The following LRCH3 variants were observed in gnomAD, a reference collection of about 807,000 sequenced individuals.
LRCH3 encodes leucine rich repeats and calponin homology domain containing 3.
In LRCH3, 68 loss-of-function variants were observed where a neutral mutation model predicts 104.5. That is an observed-to-expected ratio of 0.65 (90% CI 0.54 to 0.80). The LOEUF (loss-of-function observed/expected upper bound fraction) is 0.80. Among genes scored for constraint, LRCH3 ranks in the 30% least tolerant of loss-of-function variants. LRCH3 has a pLI of 0.00. For missense variants in LRCH3, 951 were observed against 953.9 expected, an observed-to-expected ratio of 1.00 and a Z score of 0.04; for synonymous variants, 344 against 361.3, an observed-to-expected ratio of 0.95 and a Z score of 0.54.
rs1217064330 is a variant in LRCH3 at position 197,820,248 on chromosome 3, T to C, written c.535-77T>C. ...GATACCAGAAGGTCTCCCAAACATA[T>C]CTAATTTTATAGACAGTTTAAAGCA... is the stretch of plus-strand genomic sequence containing the variant. On this transcript the variant is annotated intron_variant, in intron 3 of 20. Transcript: ENST00000425562. 2.9e-6 allele frequency: 3 copies of C among 1,035,106 alleles called. No individual in the cohort carries two copies. The South Asian group carries it at 4.0e-5, about 14-fold the overall frequency. The allele number at this position is 1,035,106 out of a possible 1,614,324, so 64.1% of individuals were successfully genotyped here. A position where few individuals can be genotyped will look rare whatever the true frequency, so the allele number is the denominator to read the frequency against.
At chr3:197,840,870 A>C (rs1261051601) in intron 10 of LRCH3, among the ~76,000 whole-genome samples, 1 of 152,142 alleles carries the variant, frequency 6.6e-6, no homozygotes, top group African/African-American at 2.4e-5. Flanking sequence ...TTAAGATTCC[A>C]GTTTTATGCA....
intron 1 of LRCH3, among the ~76,000 whole-genome samples, chr3:197,803,818 C>T (rs1459347800): frequency 6.6e-6 from 1 of 152,186 alleles, no homozygotes; most frequent in African/African-American, 2.4e-5. Context: ...TCTGCATTTG[C>T]ATTTCAGTTT....
intron 1 of LRCH3, among the ~76,000 whole-genome samples, chr3:197,800,264 C>G: frequency 6.6e-6 from 1 of 152,000 alleles, no homozygotes; most frequent in African/African-American, 2.4e-5. Context: ...GGAAGGTAAG[C>G]CACAGTCTTC....
At chr3:197,825,646 AT>A (rs1735109861) in intron 4 of LRCH3, among the ~76,000 whole-genome samples, 5 of 150,396 alleles carry the variant, frequency 3.3e-5, no homozygotes, top group Admixed American at 3.3e-4. Flanking sequence ...CGCCCAGCTA[AT>A]TTTTTGTATT....
intron 10 of LRCH3, among the ~76,000 whole-genome samples, chr3:197,840,875 T>C (rs1433860240): frequency 1.3e-5 from 2 of 152,224 alleles, no homozygotes; most frequent in African/African-American, 4.8e-5. Flanking sequence ...ATTCCAGTTT[T>C]ATGCAGGAGT....
intron 15 of LRCH3, among the ~76,000 whole-genome samples, chr3:197,861,847 A>G (rs1480109824): frequency 6.6e-6 from 1 of 152,168 alleles, no homozygotes; most frequent in Non-Finnish European, 1.5e-5. Flanking sequence ...CAGTGATTTA[A>G]GCTAATGATT....
Position 197,847,421 on chromosome 3 carries a change from G to A in LRCH3, c.1341G>A (p.Glu447=), listed in dbSNP as rs1391098645. 6 of 1,597,594 alleles carry A rather than the reference G, an allele frequency of 3.8e-6. No individual in the cohort carries two copies. Among genetic ancestry groups the A allele is most frequent in the Middle Eastern group, 1.7e-4 (1 of 5,996 alleles). The change falls in exon 11 of 21, where the codon GAG becomes GAA. Residue 447 remains glutamate, a synonymous_variant. Coordinates refer to ENST00000425562, the MANE Select transcript of LRCH3 (RefSeq NM_001365715.1). ...RYLHQNRVPA[E]PSSLLSLSAS... ...TTTTTTGGGTCAGGGTTCCAGCTGA[G>A]CCATCTTCCCTCCTGTCACTATCAG...
intron 12 of LRCH3, 147 bp downstream of exon 12, chr3:197,848,168 C>G (rs1739034566): frequency 2.0e-5 from 14 of 704,710 alleles, no homozygotes; most frequent in Non-Finnish European, 3.3e-5. Context: ...GTCTCTTTTA[C>G]TTGTGTCTAT....
Position 197,884,360 on chromosome 3 carries a change from T to C in LRCH3, c.*694T>C, listed in dbSNP as rs1361690054. 1.3e-5 allele frequency: 2 copies of C among 152,386 alleles called. No homozygotes were observed. The highest frequency in any genetic ancestry group is 4.8e-5 in the African/African-American group (2 of 41,478). 9.4% of individuals were successfully genotyped at this position (152,386 alleles called of 1,614,324 possible). A position where few individuals can be genotyped will look rare whatever the true frequency, so the allele number is the denominator to read the frequency against. Reference sequence around the variant, plus strand: ...TTAGTAGAGATGGGATTTTGTCATGTTGGCCAGGCTGGTCTCAAACTCCTG... The same window carrying C: ...TTAGTAGAGATGGGATTTTGTCATGCTGGCCAGGCTGGTCTCAAACTCCTG... On this transcript the variant is annotated 3_prime_UTR_variant, in exon 21 of 21. Transcript: ENST00000425562.
rs527847624 is a variant in LRCH3 at position 197,843,998 on chromosome 3, G to A, written c.1329-3411G>A. 7.2e-5 allele frequency among the ~76,000 whole-genome samples: 11 copies of A among 152,330 alleles called. 1 individual carries two copies. Among genetic ancestry groups the A allele is most frequent in the Admixed American group, 6.5e-4 (10 of 15,292 alleles). ...AAGAAAAATAAAGCAGGATAAAAGAGATGGTAGGGTGAGGGAAGAGTGCAA... is the reference window on the plus strand; with the variant it reads ...AAGAAAAATAAAGCAGGATAAAAGAAATGGTAGGGTGAGGGAAGAGTGCAA... On this transcript the variant is annotated intron_variant, in intron 10 of 20. Transcript: ENST00000425562.
At chr3:197,802,463 A>G (rs1320329324) in intron 1 of LRCH3, among the ~76,000 whole-genome samples, 1 of 152,152 alleles carries the variant, frequency 6.6e-6, no homozygotes, top group Non-Finnish European at 1.5e-5. Context: ...TTCATCAGTG[A>G]TAGTGGCTTG....
intron 20 of LRCH3, among the ~76,000 whole-genome samples, chr3:197,879,416 G>T (rs562869434): frequency 1.3e-5 from 2 of 152,068 alleles, no homozygotes; most frequent in Admixed American, 6.5e-5. Context: ...GGAGGCCGAG[G>T]TGGGCGGATC....
chr3:197,827,308 C>T (rs1173588259), intron 5 of LRCH3, among the ~76,000 whole-genome samples: 3 of 151,588 alleles, frequency 2.0e-5, no homozygotes, highest in Non-Finnish European at 4.4e-5. Context: ...ATAATGGAAG[C>T]ATCAGGTAAA....
chr3:197,797,434 G>C (rs1434587288), intron 1 of LRCH3, among the ~76,000 whole-genome samples: 2 of 151,864 alleles, frequency 1.3e-5, no homozygotes, highest in African/African-American at 4.8e-5. Context: ...GAAGGACGTA[G>C]AGAATGGAAA....
Position 197,791,543 on chromosome 3 carries a change from G to A in LRCH3, c.262+3G>A. On this transcript the variant is annotated splice_donor_region_variant and intron_variant, in intron 1 of 20. Coordinates refer to ENST00000425562, the MANE Select transcript of LRCH3 (RefSeq NM_001365715.1). ...CCTGACGGACACCACCCGGGCGGGTGAGCGGGGCGGGGGGCGTCTCTGCCC... is the reference window on the plus strand; with the variant it reads ...CCTGACGGACACCACCCGGGCGGGTAAGCGGGGCGGGGGGCGTCTCTGCCC... The A allele has an allele frequency of 6.4e-7, 1 of 1,567,618 alleles. No individual in the cohort carries two copies. Among genetic ancestry groups the A allele is most frequent in the Non-Finnish European group, 8.6e-7 (1 of 1,161,470 alleles).
chr3:197,822,876 C>A (rs889553968), intron 4 of LRCH3: 8 of 149,968 alleles, frequency 5.3e-5, no homozygotes, highest in African/African-American at 2.0e-4. Context: ...GTGGTGCGAT[C>A]TCAGCTTACT....
At chr3:197,835,638 TGTGTGTGTGTGTGG>T (rs1377260831) in intron 8 of LRCH3, 22 bp from the exon 9 acceptor site, 20 of 1,487,448 alleles carry the variant, frequency 1.3e-5, no homozygotes, top group South Asian at 2.7e-5. Flanking sequence ...TTTTCTGGTG[TGTGTGTGTGTGTGG>T]GTGTGTGTGT....
At chr3:197,797,339 A>AAG (rs1251127178) in intron 1 of LRCH3, among the ~76,000 whole-genome samples, 2 of 151,258 alleles carry the variant, frequency 1.3e-5, no homozygotes, top group African/African-American at 2.4e-5. Flanking sequence ...AAAAAAAAAA[A>AAG]AAAAAAAAGA....
At chr3:197,847,327 T>A in intron 10 of LRCH3, 82 bp from the exon 11 acceptor site, 2 of 1,302,982 alleles carry the variant, frequency 1.5e-6, no homozygotes, top group Non-Finnish European at 1.1e-6. Flanking sequence ...ACATTTACAA[T>A]AAAAATTTCA....
Sources: gnomAD v4.1 joint callset for allele counts (sites outside exome capture counted in the v4.1 genomes callset) on GRCh38, gnomAD v4.1.1 for gene constraint, MANE v1.5 for transcripts, NCBI Gene and HGNC (gene_info 2026-07-23, HGNC 2026-07-21) for gene names.